HS6ST1: variants seen among roughly 807,000 people sequenced by gnomAD.
HS6ST1 encodes the protein heparan sulfate 6-O-sulfotransferase 1, also known as heparan-sulfate 6-O-sulfotransferase 1.
A neutral mutation model predicts 25.2 loss-of-function variants in HS6ST1; 3 were observed. The observed-to-expected ratio is 0.12, with a 90% CI of 0.05 to 0.31. The LOEUF is 0.31. Among genes scored for constraint, HS6ST1 ranks in the 10% least tolerant of loss-of-function variants. The pLI is 1.00. For missense variants in HS6ST1, 310 were observed against 609.6 expected (o/e 0.51, Z 5.18); for synonymous variants, 204 against 275.1 (o/e 0.74, Z 2.56).
At chr2:128,296,527 A>G (rs1264136463) in intron 1 of HS6ST1, among the ~76,000 whole-genome samples, 2 of 152,276 alleles carry the variant, frequency 1.3e-5, no homozygotes, top group South Asian at 2.1e-4. Context: ...CAATGTTGTT[A>G]AAGTAAAAAT....
chr2:128,270,808 C>G (rs934761508), intron 1 of HS6ST1, among the ~76,000 whole-genome samples: 3 of 152,234 alleles, frequency 2.0e-5, no homozygotes, highest in Non-Finnish European at 4.4e-5. Flanking sequence ...TGTCCACCAA[C>G]AGAGAAGCTT....
chr2:128,277,098 G>A (rs1018403483), intron 1 of HS6ST1, among the ~76,000 whole-genome samples: 1 of 152,174 alleles, frequency 6.6e-6, no homozygotes, highest in Non-Finnish European at 1.5e-5. Context: ...GCTGGTGGTT[G>A]GTTCACCGTC....
At chr2:128,290,817 CAAAA>C (rs57754041) in intron 1 of HS6ST1, among the ~76,000 whole-genome samples, 19 of 60,542 alleles carry the variant, frequency 3.1e-4, no homozygotes, top group Admixed American at 2.7e-3. Flanking sequence ...ACTAAAAATA[CAAAA>C]AAAAAAAAAA....
At chr2:128,273,871 C>T (rs578126689) in intron 1 of HS6ST1, among the ~76,000 whole-genome samples, 61 of 152,356 alleles carry the variant, frequency 4.0e-4, no homozygotes, top group African/African-American at 1.3e-3. Flanking sequence ...CACCCCAGAT[C>T]TAGGCAGCTC....
rs147147766 is a variant in HS6ST1 at position 128,300,467 on chromosome 2, G to A, written c.527+17570C>T. 1.6e-4 allele frequency among the ~76,000 whole-genome samples: 25 copies of A among 152,294 alleles called. No individual in the cohort carries two copies. The East Asian group carries it at 4.3e-3, about 26-fold the overall frequency. On this transcript the variant is annotated intron_variant, in intron 1 of 1. Coordinates refer to ENST00000259241, the MANE Select transcript of HS6ST1 (RefSeq NM_004807.3). ...GCCACGTCAAGGGGGCCGTGTGTTC[G>A]CGGAGGTGTCTACCTGGGGCGCTGT...
At chr2:128,314,905 G>A (rs1178980864) in intron 1 of HS6ST1, among the ~76,000 whole-genome samples, 2 of 152,244 alleles carry the variant, frequency 1.3e-5, no homozygotes, top group Non-Finnish European at 2.9e-5. Flanking sequence ...GACCATGCCT[G>A]TTCTTGCGTT....
chr2:128,316,972 G>A (rs1694374042), intron 1 of HS6ST1, among the ~76,000 whole-genome samples: 3 of 152,150 alleles, frequency 2.0e-5, no homozygotes, highest in Admixed American at 2.0e-4. Flanking sequence ...CCTACCACCA[G>A]CCTGTCTGCA....
At chr2:128,292,779 G>T (rs1399390020) in intron 1 of HS6ST1, among the ~76,000 whole-genome samples, 2 of 152,078 alleles carry the variant, frequency 1.3e-5, no homozygotes, top group South Asian at 4.1e-4. Context: ...GGCCATGGGG[G>T]CGGGCAGAGG....
At chr2:128,303,959 G>A (rs1319957996) in intron 1 of HS6ST1, among the ~76,000 whole-genome samples, 1 of 152,202 alleles carries the variant, frequency 6.6e-6, no homozygotes. Flanking sequence ...GGAAGGTGGA[G>A]GAAGGGTGAA....
chr2:128,309,922 G>A (rs948275295), intron 1 of HS6ST1, among the ~76,000 whole-genome samples: 5 of 152,224 alleles, frequency 3.3e-5, no homozygotes, highest in African/African-American at 7.2e-5. Flanking sequence ...GACACAGTCC[G>A]TGGCTGAGGG....
rs1173947387 is a variant in HS6ST1 at position 128,288,746 on chromosome 2, C to CGTAGGAGAGT, written c.528-19877_528-19876insACTCTCCTAC. On this transcript the variant is annotated intron_variant, in intron 1 of 1. Coordinates refer to ENST00000259241, the MANE Select transcript of HS6ST1 (RefSeq NM_004807.3). ...ACAGGAGGTAGGAGAGTCAGGGAGG[C>CGTAGGAGAGT]CTGGGAGGCTCAGGGCCTCCCCAGC... is the stretch of plus-strand genomic sequence containing the variant. Among the ~76,000 whole-genome samples, 3 of 152,146 alleles carry CGTAGGAGAGT rather than the reference C, an allele frequency of 2.0e-5. No individual in the cohort carries two copies. The East Asian group carries it at 5.8e-4, about 30-fold the overall frequency.
At chr2:128,275,507 A>C (rs1693680287) in intron 1 of HS6ST1, among the ~76,000 whole-genome samples, 1 of 152,260 alleles carries the variant, frequency 6.6e-6, no homozygotes, top group Non-Finnish European at 1.5e-5. Context: ...GCTGGCTTTC[A>C]TCATAAGCCA....
At chr2:128,296,594 TA>T (rs1157754598) in intron 1 of HS6ST1, among the ~76,000 whole-genome samples, 1 of 152,204 alleles carries the variant, frequency 6.6e-6, no homozygotes, top group Non-Finnish European at 1.5e-5. Flanking sequence ...AGAAGGAAAT[TA>T]ACAAAACAAT....
At chr2:128,310,706 C>G (rs527350648) in intron 1 of HS6ST1, among the ~76,000 whole-genome samples, 1 of 152,298 alleles carries the variant, frequency 6.6e-6, no homozygotes, top group South Asian at 2.1e-4. Flanking sequence ...GTTGGGTGGT[C>G]TGGGATCAGC....
intron 1 of HS6ST1, among the ~76,000 whole-genome samples, chr2:128,288,605 G>C (rs1011370978): frequency 6.6e-6 from 1 of 152,160 alleles, no homozygotes; most frequent in Non-Finnish European, 1.5e-5. Flanking sequence ...GGTGCCCTGG[G>C]CCTAGTGCCC....
intron 1 of HS6ST1, among the ~76,000 whole-genome samples, chr2:128,278,399 C>T (rs544561817): frequency 2.6e-5 from 4 of 152,132 alleles, no homozygotes; most frequent in South Asian, 2.1e-4. Context: ...AAGTCTGGGG[C>T]GGGCGAAGGA....
rs542089229 is a variant in HS6ST1 at position 128,267,390 on chromosome 2, C to G, written c.*772G>C. The G allele has an allele frequency of 1.2e-4, 19 of 152,790 alleles. No individual in the cohort carries two copies. The highest frequency in any genetic ancestry group is 4.6e-4 in the African/African-American group (19 of 41,596). The allele number at this position is 152,790 out of a possible 1,614,324, so 9.5% of individuals were successfully genotyped here. On this transcript the variant is annotated 3_prime_UTR_variant, in exon 2 of 2. Coordinates refer to ENST00000259241, the MANE Select transcript of HS6ST1 (RefSeq NM_004807.3). Reference sequence around the variant, plus strand: ...CATCCCTGGCCAAAGCCTCCCCACTCCTGGGCTGCCAGTTGGCCCGAGGAA... The same window carrying G: ...CATCCCTGGCCAAAGCCTCCCCACTGCTGGGCTGCCAGTTGGCCCGAGGAA...
intron 1 of HS6ST1, among the ~76,000 whole-genome samples, chr2:128,297,305 G>C (rs1024912325): frequency 3.3e-5 from 5 of 152,228 alleles, no homozygotes; most frequent in African/African-American, 1.2e-4. Flanking sequence ...AATGGTGCTG[G>C]GGAAACTGGA....
chr2:128,299,164 G>A (rs1315930407), intron 1 of HS6ST1, among the ~76,000 whole-genome samples: 4 of 152,246 alleles, frequency 2.6e-5, no homozygotes, highest in African/African-American at 9.6e-5. Flanking sequence ...GGCTTCGCAA[G>A]TGCCTGCCTC....
Sources: gnomAD v4.1 joint callset for allele counts (sites outside exome capture counted in the v4.1 genomes callset) on GRCh38, gnomAD v4.1.1 for gene constraint, MANE v1.5 for transcripts, NCBI Gene and HGNC (gene_info 2026-07-23, HGNC 2026-07-21) for gene names.